ILF2: variants seen among roughly 807,000 people sequenced by gnomAD.
ILF2 encodes interleukin enhancer binding factor 2, also known as interleukin enhancer-binding factor 2.
A neutral mutation model predicts 55.3 loss-of-function variants in ILF2; 9 were observed. That is an observed-to-expected ratio of 0.16 (90% CI 0.10 to 0.28). The LOEUF (loss-of-function observed/expected upper bound fraction) is 0.28. Ranked by LOEUF, ILF2 falls within the 10% of genes least tolerant of loss-of-function variation. The probability of loss-of-function intolerance (pLI) is 1.00; values close to 1 mark genes in which losing one functional copy is unlikely to be tolerated. For missense variants in ILF2, 266 were observed against 474.9 expected (o/e 0.56, Z 4.09); for synonymous variants, 151 against 161.8 (o/e 0.93, Z 0.50).
At chr1:153,669,453 A>C (rs760044108) in intron 3 of ILF2, among the ~76,000 whole-genome samples, 6 of 151,618 alleles carry the variant, frequency 4.0e-5, no homozygotes, top group Non-Finnish European at 8.8e-5. Flanking sequence ...AAAACCCCAA[A>C]TCTTTTCACA....
chr1:153,663,928 A>T (rs1669239808), intron 10 of ILF2, 115 bp downstream of exon 10: 2 of 515,622 alleles, frequency 3.9e-6, no homozygotes, highest in Admixed American at 7.5e-5. Flanking sequence ...AAGCTTCACC[A>T]AATTTCAGAC....
intron 10 of ILF2, 130 bp downstream of exon 10, chr1:153,663,913 C>T: frequency 4.6e-6 from 2 of 438,122 alleles, no homozygotes; most frequent in South Asian, 7.0e-5. Context: ...AATAAAATTT[C>T]TTTTAAGCTT....
chr1:153,662,358 G>T lies in ILF2; in HGVS notation c.*38C>A, dbSNP rs1393965970. The stretch of plus-strand genomic sequence containing the variant: ...CCAGTAGCAGGCAGCTTAGGCTCCA[G>T]TCTTCCCCCTTGGGTAGGAAAAGGA... On this transcript the variant is annotated 3_prime_UTR_variant, in exon 14 of 14. Transcript: ENST00000361891. 3 of 1,612,746 alleles carry T rather than the reference G, an allele frequency of 1.9e-6. No individual in the cohort carries two copies. The highest frequency in any genetic ancestry group is 2.5e-6 in the Non-Finnish European group (3 of 1,179,510).
intron 4 of ILF2, among the ~76,000 whole-genome samples, 174 bp downstream of exon 4, chr1:153,668,278 TG>T (rs1669358850): frequency 6.6e-6 from 1 of 152,236 alleles, no homozygotes; most frequent in African/African-American, 2.4e-5. Flanking sequence ...ATATGTAATT[TG>T]TTTATATATC....
chr1:153,668,381 C>A lies in ILF2; in HGVS notation c.213+72G>T, dbSNP rs542655746. ...TCTGTTAACACCATTCTTAACCTTA[C>A]CAACAGTTACTCTTTACCAATACTT... is the stretch of plus-strand genomic sequence containing the variant. On this transcript the variant is annotated intron_variant, in intron 4 of 13. Transcript: ENST00000361891. The A allele has an allele frequency of 7.9e-5, 124 of 1,564,324 alleles. No individual in the cohort carries two copies. The African/African-American group carries it at 1.5e-3, about 19-fold the overall frequency.
intron 1 of ILF2, 90 bp downstream of exon 1, chr1:153,670,828 C>T (rs1462574846): frequency 2.0e-6 from 3 of 1,464,082 alleles, no homozygotes; most frequent in Non-Finnish European, 1.9e-6. Flanking sequence ...GGATACATGG[C>T]CCTTTCTGAT....
chr1:153,662,042 A>G lies in ILF2; in HGVS notation c.*354T>C, dbSNP rs1328338942. On this transcript the variant is annotated 3_prime_UTR_variant, in exon 14 of 14. Transcript: ENST00000361891. ...AACCAGAAAGACCAAGAGCCCTACT[A>G]GGAAGTACTTTAATAGTTTTTCTTA... is the stretch of plus-strand genomic sequence containing the variant. 3.3e-5 allele frequency: 6 copies of G among 180,204 alleles called. No homozygotes were observed. Among genetic ancestry groups the G allele is most frequent in the Non-Finnish European group, 7.0e-5 (6 of 85,370 alleles). The allele number at this position is 180,204 out of a possible 1,614,324, so 11.2% of individuals were successfully genotyped here.
intron 6 of ILF2, among the ~76,000 whole-genome samples, chr1:153,666,124 C>T (rs1162016048): frequency 6.6e-6 from 1 of 152,196 alleles, no homozygotes; most frequent in East Asian, 1.9e-4. Flanking sequence ...TCACAGCTCA[C>T]TGCAGCCTCA....
At chr1:153,670,737 G>A (rs1669423417) in intron 1 of ILF2, among the ~76,000 whole-genome samples, 181 bp downstream of exon 1, 1 of 151,786 alleles carries the variant, frequency 6.6e-6, no homozygotes, top group Admixed American at 6.6e-5. Flanking sequence ...CCCATCCCGG[G>A]CCCAAGTTTC....
rs996308698 is a variant in ILF2 at position 153,669,247 on chromosome 1, A to G, written c.108+589T>C. On this transcript the variant is annotated intron_variant, in intron 3 of 13. Coordinates refer to ENST00000361891, the MANE Select transcript of ILF2 (RefSeq NM_004515.4). ...TGAGACTGTCTCAAAAAAAATAAAA[A>G]GTTCAAACAAGGATAAAAGCTGGAA... Among the ~76,000 whole-genome samples the G allele has an allele frequency of 3.9e-5, 6 of 152,318 alleles. No homozygotes were observed. The Middle Eastern group carries it at 0.014, about 345-fold the overall frequency.
intron 3 of ILF2, among the ~76,000 whole-genome samples, chr1:153,669,167 G>C (rs536099706): frequency 1.3e-5 from 2 of 152,096 alleles, no homozygotes; most frequent in Non-Finnish European, 2.9e-5. Context: ...CTGCCTCCCA[G>C]GTTCAGTGCA....
At position 153,667,446 on chromosome 1, in the gene ILF2, T is replaced by C. The variant is rs542250937; in HGVS notation, c.394+109A>G. ...GTGAGCTACAATGGTACCACTGCAC[T>C]CCAGCCTGGCCAACGGAGGGAGAAT... is the stretch of plus-strand genomic sequence containing the variant. On this transcript the variant is annotated intron_variant, in intron 6 of 13. Coordinates refer to ENST00000361891, the MANE Select transcript of ILF2 (RefSeq NM_004515.4). 451 of 802,868 alleles carry C rather than the reference T, an allele frequency of 5.6e-4. 1 individual carries two copies. Among genetic ancestry groups the C allele is most frequent in the Non-Finnish European group, 9.2e-4 (420 of 454,326 alleles). 49.7% of individuals were successfully genotyped at this position (802,868 alleles called of 1,614,324 possible). A position where few individuals can be genotyped will look rare whatever the true frequency, so the allele number is the denominator to read the frequency against.
rs749098429 is a variant in ILF2, at chr1:153,669,887, T to C, written c.66-9A>G. Reference sequence around the variant, plus strand: ...GTACAAAGGGCCTGAACCTAAAACATGAAAAACAGCCAAATTATTCCCTAG... The same window carrying C: ...GTACAAAGGGCCTGAACCTAAAACACGAAAAACAGCCAAATTATTCCCTAG... On this transcript the variant is annotated splice_polypyrimidine_tract_variant and intron_variant, in intron 2 of 13. Coordinates refer to ENST00000361891, the MANE Select transcript of ILF2 (RefSeq NM_004515.4). The C allele has an allele frequency of 1.2e-6, 2 of 1,610,744 alleles. No individual in the cohort carries two copies. Among genetic ancestry groups the C allele is most frequent in the Non-Finnish European group, 8.5e-7 (1 of 1,176,952 alleles).
intron 7 of ILF2, 141 bp from the exon 8 acceptor site, chr1:153,665,477 A>C (rs551859232): frequency 2.6e-6 from 2 of 759,558 alleles, no homozygotes; most frequent in East Asian, 5.2e-5. Context: ...GAGCTTTAGA[A>C]GGGAGATCAA....
chr1:153,663,652 C>T (rs149050531), intron 10 of ILF2, among the ~76,000 whole-genome samples: 10 of 152,096 alleles, frequency 6.6e-5, no homozygotes, highest in Middle Eastern at 6.9e-3. Context: ...GAAAACTGGT[C>T]ATTAAGGTCT....
At chr1:153,669,976 T>C in intron 2 of ILF2, 98 bp from the exon 3 acceptor site, 2 of 1,168,720 alleles carry the variant, frequency 1.7e-6, no homozygotes, top group Non-Finnish European at 2.6e-6. Flanking sequence ...GTCCTCAGAA[T>C]GAGTGACAAA....
chr1:153,666,599 G>A (rs1669313379), intron 6 of ILF2, among the ~76,000 whole-genome samples: 1 of 152,056 alleles, frequency 6.6e-6, no homozygotes, highest in Non-Finnish European at 1.5e-5. Context: ...TGATCCTCTT[G>A]CCTCAGCCTC....
intron 6 of ILF2, 57 bp downstream of exon 6, chr1:153,667,498 A>G: frequency 8.2e-7 from 1 of 1,216,566 alleles, no homozygotes; most frequent in Admixed American, 1.7e-5. Flanking sequence ...AAAGATACCT[A>G]AACCCCTAAT....
rs1327779890 is a variant in ILF2, at chr1:153,668,246, T to A, written c.214-169A>T. ...TATATGGGAAGAGAACAACTCTTTGTCCCCAGTAAAAATAAGAATGCATAT... is the reference window on the plus strand; with the variant it reads ...TATATGGGAAGAGAACAACTCTTTGACCCCAGTAAAAATAAGAATGCATAT... On this transcript the variant is annotated intron_variant, in intron 4 of 13. Coordinates refer to ENST00000361891, the MANE Select transcript of ILF2 (RefSeq NM_004515.4). Among the ~76,000 whole-genome samples the A allele has an allele frequency of 2.0e-5, 3 of 152,172 alleles. No homozygotes were observed. The East Asian group carries it at 5.8e-4, about 29-fold the overall frequency.
Sources: allele counts gnomAD v4.1 joint callset (sites outside exome capture counted in the v4.1 genomes callset), GRCh38; gene constraint gnomAD v4.1.1; transcripts MANE v1.5; gene names NCBI Gene and HGNC (gene_info 2026-07-23, HGNC 2026-07-21).